OR3A2: variants seen among roughly 807,000 people sequenced by gnomAD.
OR3A2 encodes the protein olfactory receptor 3A2.
For synonymous variants in OR3A2, 126 were observed against 159.3 expected (o/e 0.79, Z 1.57); for missense variants, 318 against 392.8 (o/e 0.81, Z 1.61).
rs548278892 is a variant in OR3A2 at position 3,324,698 on chromosome 17, T to C, written c.-85+11335A>G. ...AGATTTGGTGAACCGCAAATGCTGC[T>C]GCCTGATCGTTCCTTTGGAAGTTTT... On this transcript the variant is annotated intron_variant, in intron 3 of 4. Coordinates refer to the OR3A2 transcript ENST00000573491. Among the ~76,000 whole-genome samples, 6 of 152,160 alleles carry C rather than the reference T, an allele frequency of 3.9e-5. No individual in the cohort carries two copies. The East Asian group carries it at 1.2e-3, about 29-fold the overall frequency.
rs138624882 is a variant in OR3A2 at position 3,300,330 on chromosome 17, G to C, written c.-84-21177C>G. Among the ~76,000 whole-genome samples, 151 of 152,220 alleles carry C rather than the reference G, an allele frequency of 9.9e-4. 1 individual carries two copies. The Middle Eastern group carries it at 0.017, about 17-fold the overall frequency. On this transcript the variant is annotated intron_variant, in intron 3 of 4. Coordinates refer to the OR3A2 transcript ENST00000573491. The stretch of plus-strand genomic sequence containing the variant: ...TCCTCACACTTTGGGAGGCCAAGGT[G>C]GGGGGATCACCTGAGGTCAGGAGTT...
chr17:3,302,960 T>C (rs1597328022), intron 3 of OR3A2, among the ~76,000 whole-genome samples: 1 of 152,206 alleles, frequency 6.6e-6, no homozygotes, highest in African/African-American at 2.4e-5. Context: ...AATAGTAATT[T>C]AAATAGTGTT....
exon 2 of OR3A2, chr17:3,278,759 C>A: frequency 7.1e-7 from 1 of 1,403,346 alleles, no homozygotes; most frequent in Non-Finnish European, 9.7e-7. Flanking sequence ...TGGGCTCCAC[C>A]AAGACGGCTG....
At chr17:3,292,245 A>C in intron 3 of OR3A2, 1 of 1,614,066 alleles carries the variant, frequency 6.2e-7, no homozygotes, top group Non-Finnish European at 8.5e-7. Flanking sequence ...GAAGCAGTCC[A>C]CTCCAACGAA....
intron 2 of OR3A2, among the ~76,000 whole-genome samples, chr17:3,358,116 C>T (rs1597356899): frequency 6.6e-6 from 1 of 151,490 alleles, no homozygotes; most frequent in African/African-American, 2.4e-5. Context: ...AGTGGAACTC[C>T]ATCACTCTGG....
chr17:3,283,259 C>G (rs2048788175), intron 1 of OR3A2, among the ~76,000 whole-genome samples: 1 of 152,104 alleles, frequency 6.6e-6, no homozygotes, highest in Non-Finnish European at 1.5e-5. Flanking sequence ...GAGTTTTGCT[C>G]TTTTTGCCCA....
chr17:3,385,497 G>A (rs1266663047), intron 1 of OR3A2, among the ~76,000 whole-genome samples: 2 of 152,188 alleles, frequency 1.3e-5, no homozygotes, highest in African/African-American at 2.4e-5. Flanking sequence ...AGATGATAGA[G>A]GAGTTTTGAG....
At chr17:3,385,674 T>C (rs1162408248) in intron 1 of OR3A2, among the ~76,000 whole-genome samples, 5 of 152,048 alleles carry the variant, frequency 3.3e-5, no homozygotes, top group Non-Finnish European at 7.4e-5. Flanking sequence ...AAAGCAGGTC[T>C]GACCTACACC....
At chr17:3,365,599 CAT>C (rs2049555946) in intron 2 of OR3A2, among the ~76,000 whole-genome samples, 1 of 152,150 alleles carries the variant, frequency 6.6e-6, no homozygotes, top group South Asian at 2.1e-4. Flanking sequence ...TCTATACCCA[CAT>C]GTCAAGGACC....
intron 3 of OR3A2, among the ~76,000 whole-genome samples, chr17:3,317,970 T>G (rs1486229123): frequency 1.3e-5 from 2 of 151,628 alleles, no homozygotes; most frequent in Non-Finnish European, 1.5e-5. Flanking sequence ...ATGATTAATC[T>G]CTTGGGATCC....
At chr17:3,360,575 A>G (rs942078143) in intron 2 of OR3A2, among the ~76,000 whole-genome samples, 2 of 151,732 alleles carry the variant, frequency 1.3e-5, no homozygotes, top group Non-Finnish European at 2.9e-5. Flanking sequence ...TCTTTAATCC[A>G]TCTTGAATTA....
At chr17:3,347,636 G>A (rs1332537243) in intron 2 of OR3A2, among the ~76,000 whole-genome samples, 1 of 152,138 alleles carries the variant, frequency 6.6e-6, no homozygotes, top group Non-Finnish European at 1.5e-5. Flanking sequence ...TCTTAATCCA[G>A]TCTATCATTG....
At chr17:3,362,533 C>A (rs994665761) in intron 2 of OR3A2, among the ~76,000 whole-genome samples, 1 of 151,584 alleles carries the variant, frequency 6.6e-6, no homozygotes, top group South Asian at 2.1e-4. Flanking sequence ...TAGATCTTTC[C>A]AGCTTTCTCT....
At chr17:3,363,427 C>A (rs2049535557) in intron 2 of OR3A2, among the ~76,000 whole-genome samples, 1 of 151,686 alleles carries the variant, frequency 6.6e-6, no homozygotes, top group Non-Finnish European at 1.5e-5. Context: ...CAAGAGTAAC[C>A]TTTACTCCAG....
At chr17:3,323,669 A>G (rs1431251485) in intron 3 of OR3A2, among the ~76,000 whole-genome samples, 2 of 152,086 alleles carry the variant, frequency 1.3e-5, no homozygotes, top group African/African-American at 4.8e-5. Flanking sequence ...TTTCCTTAAG[A>G]ATGTTGAATA....
intron 3 of OR3A2, among the ~76,000 whole-genome samples, chr17:3,298,761 G>T (rs544820536): frequency 1.3e-5 from 2 of 152,288 alleles, no homozygotes; most frequent in South Asian, 4.1e-4. Flanking sequence ...TCTATTGAAG[G>T]GAAAGGAAGC....
At chr17:3,321,864 G>T (rs2049125698) in intron 3 of OR3A2, among the ~76,000 whole-genome samples, 1 of 152,092 alleles carries the variant, frequency 6.6e-6, no homozygotes, top group Admixed American at 6.6e-5. Context: ...GTCTCTGCCA[G>T]CCTTTGGTAT....
chr17:3,287,217 T>A (rs1355348069), upstream of OR3A2, among the ~76,000 whole-genome samples: 1 of 151,548 alleles, frequency 6.6e-6, no homozygotes, highest in Non-Finnish European at 1.5e-5. Flanking sequence ...ATTAAGTAAT[T>A]TCTCATCATC....
chr17:3,344,599 A>G (rs2049347395), intron 2 of OR3A2, among the ~76,000 whole-genome samples: 1 of 152,170 alleles, frequency 6.6e-6, no homozygotes, highest in Non-Finnish European at 1.5e-5. Context: ...TGTAGGCACT[A>G]CTGCCACTTA....
Sources: gnomAD v4.1 joint callset for allele counts (sites outside exome capture counted in the v4.1 genomes callset) on GRCh38, gnomAD v4.1.1 for gene constraint, MANE v1.5 for transcripts, NCBI Gene and HGNC (gene_info 2026-07-23, HGNC 2026-07-21) for gene names.